The following PPM1K variants were observed in gnomAD, a reference collection of about 807,000 sequenced individuals.
PPM1K encodes the protein protein phosphatase, Mg2+/Mn2+ dependent 1K.
PPM1K carries 19 observed loss-of-function variants against 32.6 expected under a neutral mutation model. The ratio of observed to expected loss-of-function variants is 0.58; its 90% confidence interval spans 0.41 to 0.86. The LOEUF is 0.86. PPM1K is among the 40% of genes least tolerant of loss of function. The pLI is 0.00. For missense variants in PPM1K, 362 were observed against 461.2 expected (o/e 0.78, Z 1.97); for synonymous variants, 159 against 165.3 (o/e 0.96, Z 0.29).
intron 3 of PPM1K, chr4:88,275,575 T>C: frequency 1.0e-6 from 1 of 985,416 alleles, no homozygotes; most frequent in Non-Finnish European, 1.2e-6. Context: ...TTTTGGTTGG[T>C]GGTCACATGC....
In PPM1K at chr4:88,262,658, A is replaced by G. The variant is rs1264144232; in HGVS notation, c.1056T>C (p.Tyr352=). 1.2e-6 allele frequency: 2 copies of G among 1,613,992 alleles called. No individual in the cohort carries two copies. Among genetic ancestry groups the G allele is most frequent in the South Asian group, 1.1e-5 (1 of 91,094 alleles). ...VVVPFGAWGK[Y]KNSEINFSFS... ...ATGAGAAGTTGATTTCAGAGTTCTT[A>G]TATTTTCCCCAGGCACCAAAAGGCA... Residue 352 remains tyrosine (Y), a synonymous_variant, in exon 7 of 7, where the codon TAT becomes TAC. Coordinates refer to ENST00000608933, the MANE Select transcript of PPM1K (RefSeq NM_152542.5).
At chr4:88,280,635 T>A (rs1428551692) in intron 1 of PPM1K, among the ~76,000 whole-genome samples, 1 of 152,172 alleles carries the variant, frequency 6.6e-6, no homozygotes, top group Non-Finnish European at 1.5e-5. Context: ...TGGTTCCGCA[T>A]GCCTGTAGTT....
intron 3 of PPM1K, chr4:88,276,892 A>C: frequency 1.1e-6 from 1 of 897,850 alleles, no homozygotes; most frequent in Non-Finnish European, 1.4e-6. Flanking sequence ...GTACAACATC[A>C]GAACTGTTTC....
At chr4:88,266,537 TGCTGATTGACTGCGTGCAGGTGATGCTA>T in intron 5 of PPM1K, among the ~76,000 whole-genome samples, 1 of 138,738 alleles carries the variant, frequency 7.2e-6, no homozygotes, top group East Asian at 2.2e-4. Context: ...GTGCAGGTGA[TGCTGATTGACTGCGTGCAGGTGATGCTA>T]GCTGATTGGG....
intron 5 of PPM1K, among the ~76,000 whole-genome samples, chr4:88,267,172 CTGATTGGGTGCAAGTGATGCTGAT>C (rs1560485759): frequency 7.0e-6 from 1 of 142,902 alleles, no homozygotes; most frequent in Non-Finnish European, 1.5e-5. Context: ...ATGATGCTGG[CTGATTGGGTGCAAGTGATGCTGAT>C]TGATTGGGTG....
chr4:88,261,392 T>C lies in PPM1K; in HGVS notation c.*1203A>G, dbSNP rs1290233618. Reference sequence around the variant, plus strand: ...TAACAAATTATTCAATTGCTTACTCTATACAAAAAGTGATATACACATACT... The same window carrying C: ...TAACAAATTATTCAATTGCTTACTCCATACAAAAAGTGATATACACATACT... On this transcript the variant is annotated 3_prime_UTR_variant, in exon 7 of 7. Coordinates refer to ENST00000608933, the MANE Select transcript of PPM1K (RefSeq NM_152542.5). 1 of 152,226 alleles carries C rather than the reference T, an allele frequency of 6.6e-6. No individual in the cohort carries two copies. Among genetic ancestry groups the C allele is most frequent in the African/African-American group, 2.4e-5 (1 of 41,458 alleles). 9.4% of individuals were successfully genotyped at this position (152,226 alleles called of 1,614,324 possible).
chr4:88,278,348 G>A lies in PPM1K; in HGVS notation c.236C>T (p.Pro79Leu). 2 of 1,614,136 alleles carry A rather than the reference G, an allele frequency of 1.2e-6. No individual in the cohort carries two copies. The highest frequency in any genetic ancestry group is 1.7e-6 in the Non-Finnish European group (2 of 1,180,028). ...AATTGGCTTGCCATACTTAATGCTG[G>A]GTGGCAGCAGAATTGGCTCATCAAT... is the stretch of plus-strand genomic sequence containing the variant. ...NRIDEPILLP[P>L]SIKYGKPIPK... is the part of the protein sequence containing the mutation. The change falls in exon 2 of 7, where the codon CCC becomes CTC. Residue 79 changes from proline (P) to leucine (L), a missense_variant. Physicochemically the swap from Pro to Leu is moderately conservative, Grantham distance 98 (BLOSUM62 -3). Transcript: ENST00000608933. The surrounding 1 kb of genome is among the most constrained non-coding windows in gnomAD (Gnocchi z 4.2).
chr4:88,282,633 T>G (rs1200051439), intron 1 of PPM1K, among the ~76,000 whole-genome samples: 1 of 152,148 alleles, frequency 6.6e-6, no homozygotes, highest in Non-Finnish European at 1.5e-5. Flanking sequence ...GAAAGAAAAT[T>G]TACTGCTTTA....
chr4:88,269,744 T>C (rs777815408), intron 3 of PPM1K, among the ~76,000 whole-genome samples: 4 of 152,256 alleles, frequency 2.6e-5, no homozygotes, highest in Non-Finnish European at 5.9e-5. Flanking sequence ...GGGTCCTGTT[T>C]GGGCCCAGAG....
Position 88,278,241 on chromosome 4 carries a change from G to A in PPM1K, c.343C>T (p.Gln115Ter). 6.2e-7 allele frequency: 1 copy of A among 1,614,192 alleles called. No individual in the cohort carries two copies. Among genetic ancestry groups the A allele is most frequent in the South Asian group, 1.1e-5 (1 of 91,076 alleles). Residue 115 changes from glutamine (Q) to a stop codon, truncating the protein, a stop_gained, in exon 2 of 7, where the codon CAG (glutamine) becomes TAG (stop). Transcript: ENST00000608933. LOFTEE classifies it high-confidence loss of function. The surrounding 1 kb of genome is among the most constrained non-coding windows in gnomAD (Gnocchi z 4.2). ...KENEDRFDFAQLTDEVLYFAV... is the reference protein window; with the variant it reads ...KENEDRFDFA Reference sequence around the variant, plus strand: ...AAGTACAGGACCTCATCTGTCAGCTGAGCGAAGTCAAACCGATCTTCATTC... The same window carrying A: ...AAGTACAGGACCTCATCTGTCAGCTAAGCGAAGTCAAACCGATCTTCATTC...
intron 6 of PPM1K, among the ~76,000 whole-genome samples, chr4:88,263,537 C>T (rs565837872): frequency 6.6e-6 from 1 of 152,262 alleles, no homozygotes; most frequent in African/African-American, 2.4e-5. Context: ...CTCCCAGACC[C>T]AGGTGATCTT....
intron 5 of PPM1K, 142 bp from the exon 6 acceptor site, chr4:88,265,277 C>T: frequency 2.3e-6 from 2 of 883,702 alleles, no homozygotes; most frequent in Non-Finnish European, 3.5e-6. Context: ...TGTGTCCCCA[C>T]CCAAATCTCA....
In PPM1K at chr4:88,261,299, A is replaced by T. The variant is rs900032996; in HGVS notation, c.*1296T>A. 6.6e-6 allele frequency: 1 copy of T among 152,204 alleles called. No individual in the cohort carries two copies. The highest frequency in any genetic ancestry group is 1.5e-5 in the Non-Finnish European group (1 of 68,016). 9.4% of individuals were successfully genotyped at this position (152,204 alleles called of 1,614,324 possible). On this transcript the variant is annotated 3_prime_UTR_variant, in exon 7 of 7. Coordinates refer to ENST00000608933, the MANE Select transcript of PPM1K (RefSeq NM_152542.5). ...TCTTTCTCCTAAGTCTTAGAAAATG[A>T]GCAAAAAGGAGACATAAAACTCAAG...
intron 1 of PPM1K, among the ~76,000 whole-genome samples, chr4:88,282,171 T>C (rs1732040974): frequency 6.6e-6 from 1 of 152,202 alleles, no homozygotes; most frequent in Non-Finnish European, 1.5e-5. Flanking sequence ...ATGGCTAGTT[T>C]ATTTTTATAA....
chr4:88,263,940 C>G (rs1731217216), intron 6 of PPM1K, among the ~76,000 whole-genome samples: 1 of 152,056 alleles, frequency 6.6e-6, no homozygotes, highest in African/African-American at 2.4e-5. Flanking sequence ...AAAAAATAAA[C>G]ATAAACTAAA....
chr4:88,272,913 C>T (rs1035502768), intron 3 of PPM1K, among the ~76,000 whole-genome samples: 5 of 152,150 alleles, frequency 3.3e-5, no homozygotes, highest in Non-Finnish European at 5.9e-5. Flanking sequence ...GGACATGCTG[C>T]GTCTGTGGTT....
intron 3 of PPM1K, among the ~76,000 whole-genome samples, chr4:88,273,049 C>G (rs1466913984): frequency 2.0e-5 from 3 of 152,162 alleles, no homozygotes; most frequent in Non-Finnish European, 4.4e-5. Flanking sequence ...GCTCAGGCAA[C>G]AGCAATGCCA....
At chr4:88,280,666 G>A (rs973438801) in intron 1 of PPM1K, among the ~76,000 whole-genome samples, 8 of 152,190 alleles carry the variant, frequency 5.3e-5, no homozygotes, top group Admixed American at 3.9e-4. Context: ...AGGGGGCTGA[G>A]GTGGGAGGAC....
rs1265102997 is a variant in PPM1K, at chr4:88,277,247, T to G, written c.441-4A>C. The G allele has an allele frequency of 3.7e-6, 6 of 1,601,724 alleles. No homozygotes were observed. Among genetic ancestry groups the G allele is most frequent in the Non-Finnish European group, 5.1e-6 (6 of 1,168,964 alleles). ...CTTCTCCTTAGGAAGCAAATCCCTT[T>G]GTGGGGAGGAAAAAAAGAGCCTTAA... is the stretch of plus-strand genomic sequence containing the variant. On this transcript the variant is annotated splice_region_variant and splice_polypyrimidine_tract_variant and intron_variant, in intron 2 of 6. Transcript: ENST00000608933.
Sources: allele counts gnomAD v4.1 joint callset (sites outside exome capture counted in the v4.1 genomes callset), GRCh38; gene constraint gnomAD v4.1.1; non-coding constraint Gnocchi (gnomAD v3.1); transcripts MANE v1.5; gene names NCBI Gene and HGNC (gene_info 2026-07-23, HGNC 2026-07-21).